Variants in MAGI2 observed in about 807,000 individuals in gnomAD.
The protein encoded by MAGI2 is membrane associated guanylate kinase, WW and PDZ domain containing 2, also known as membrane-associated guanylate kinase, WW and PDZ domain-containing protein 2.
A neutral mutation model predicts 133.3 loss-of-function variants in MAGI2; 35 were observed. The observed-to-expected ratio is 0.26, with a 90% CI of 0.20 to 0.35. MAGI2 has a LOEUF of 0.35. Among genes scored for constraint, MAGI2 ranks in the 10% least tolerant of loss-of-function variants. The pLI, the probability that MAGI2 is intolerant of heterozygous loss-of-function variation, is 1.00. For missense variants in MAGI2, 1,636 were observed against 1,863.4 expected, an observed-to-expected ratio of 0.88 and a Z score of 2.25; for synonymous variants, 729 against 710.6, an observed-to-expected ratio of 1.03 and a Z score of -0.41.
In MAGI2 at chr7:78,019,315, T is replaced by C; in HGVS notation, c.4368A>G (p.Ter1456TrpextTer33). Residue 1456 changes from the stop codon to tryptophan (W), a stop_lost, in exon 22 of 22, where the codon TGA becomes TGG. Transcript: ENST00000354212. ...GGCGGGTTGGCCGTGGCCGCGCGGC[T>C]CATCTGCTGGCGGCCGAGGCGCCGG... ...LKPGASAASR* is the reference protein window; with the variant it reads ...LKPGASAASRW The C allele has an allele frequency of 3.2e-6, 5 of 1,560,912 alleles. No individual in the cohort carries two copies. The highest frequency in any genetic ancestry group is 4.3e-6 in the Non-Finnish European group (5 of 1,163,798).
intron 15 of MAGI2, among the ~76,000 whole-genome samples, chr7:78,166,294 T>C (rs1051826233): frequency 6.6e-6 from 1 of 152,228 alleles, no homozygotes; most frequent in Non-Finnish European, 1.5e-5. Flanking sequence ...TATATTTCCT[T>C]GTAAATCAGG....
At chr7:78,718,568 G>A (rs556087771) in intron 2 of MAGI2, among the ~76,000 whole-genome samples, 1 of 151,876 alleles carries the variant, frequency 6.6e-6, no homozygotes, top group Admixed American at 6.6e-5. Flanking sequence ...CGCTCCTTAT[G>A]AGAATCTAAT....
At chr7:78,858,580 C>A (rs969686611) in intron 2 of MAGI2, among the ~76,000 whole-genome samples, 2 of 152,158 alleles carry the variant, frequency 1.3e-5, no homozygotes, top group African/African-American at 4.8e-5. Context: ...GTTTCTTAAT[C>A]CTGAGTTCTA....
At chr7:78,220,245 G>A (rs774654511) in intron 10 of MAGI2, among the ~76,000 whole-genome samples, 22 of 152,132 alleles carry the variant, frequency 1.4e-4, no homozygotes, top group Non-Finnish European at 2.9e-4. Context: ...CTGGCACGAA[G>A]TTACCTCTTT....
intron 21 of MAGI2, among the ~76,000 whole-genome samples, chr7:78,028,366 C>T (rs1322869074): frequency 6.6e-6 from 1 of 152,148 alleles, no homozygotes; most frequent in African/African-American, 2.4e-5. Flanking sequence ...ATTTTAAAAG[C>T]ATAATCAAAG....
intron 2 of MAGI2, among the ~76,000 whole-genome samples, chr7:78,909,311 C>A (rs116660221): frequency 1.3e-5 from 2 of 151,282 alleles, no homozygotes; most frequent in African/African-American, 4.9e-5. Flanking sequence ...AGTCAAGAAA[C>A]GGCTAGGCGC....
At chr7:78,110,976 A>C (rs973832769) in intron 20 of MAGI2, among the ~76,000 whole-genome samples, 3 of 152,192 alleles carry the variant, frequency 2.0e-5, no homozygotes, top group African/African-American at 7.2e-5. Flanking sequence ...ATCAAGGTGC[A>C]TTTCATATCC....
rs936781529 is a variant in MAGI2, at chr7:78,487,206, A to G, written c.1045+2555T>C. The G allele has an allele frequency of 1.0e-4, 26 of 252,552 alleles. No individual in the cohort carries two copies. In the South Asian group the frequency reaches 1.4e-3, roughly 13 times the overall value. 15.6% of individuals were successfully genotyped at this position (252,552 alleles called of 1,614,324 possible). On this transcript the variant is annotated intron_variant, in intron 6 of 21. Transcript: ENST00000354212. Reference sequence around the variant, plus strand: ...AAAAAAAAAAGCCAAAATACCAAATAGCATTGCTACGGAGTTTCTAAGGCT... The same window carrying G: ...AAAAAAAAAAGCCAAAATACCAAATGGCATTGCTACGGAGTTTCTAAGGCT...
At chr7:78,418,225 T>A (rs1292138903) in intron 6 of MAGI2, among the ~76,000 whole-genome samples, 1 of 152,174 alleles carries the variant, frequency 6.6e-6, no homozygotes, top group Non-Finnish European at 1.5e-5. Context: ...ATATTCACTA[T>A]TGGAAGAATG....
At chr7:78,870,616 C>T (rs565075181) in intron 2 of MAGI2, among the ~76,000 whole-genome samples, 23 of 152,190 alleles carry the variant, frequency 1.5e-4, no homozygotes, top group African/African-American at 5.3e-4. Flanking sequence ...TAAACTAGTA[C>T]AACCACTATG....
chr7:78,398,509 T>C (rs552412183), intron 6 of MAGI2, among the ~76,000 whole-genome samples: 1 of 152,336 alleles, frequency 6.6e-6, no homozygotes, highest in South Asian at 2.1e-4. Context: ...GGTTTCTTCC[T>C]GACTATAGAC....
chr7:78,813,861 G>T (rs905353011), intron 2 of MAGI2, among the ~76,000 whole-genome samples: 1 of 149,032 alleles, frequency 6.7e-6, no homozygotes, highest in Non-Finnish European at 1.5e-5. Flanking sequence ...GGAATAGAAA[G>T]TCACTACCTC....
At chr7:78,987,341 T>G (rs778294369) in intron 2 of MAGI2, among the ~76,000 whole-genome samples, 1 of 152,078 alleles carries the variant, frequency 6.6e-6, no homozygotes, top group Non-Finnish European at 1.5e-5. Context: ...GACTATTATG[T>G]TAATTTAACG....
At chr7:78,946,126 TTG>T (rs1801398143) in intron 2 of MAGI2, among the ~76,000 whole-genome samples, 1 of 152,160 alleles carries the variant, frequency 6.6e-6, no homozygotes, top group Non-Finnish European at 1.5e-5. Context: ...TTTTAAATTG[TTG>T]TGAGATTATT....
chr7:79,051,366 A>T (rs1812651865), intron 1 of MAGI2, among the ~76,000 whole-genome samples: 1 of 152,306 alleles, frequency 6.6e-6, no homozygotes, highest in East Asian at 1.9e-4. Flanking sequence ...TTGTTTAACT[A>T]CTGATGTGCT....
intron 21 of MAGI2, among the ~76,000 whole-genome samples, chr7:78,049,441 G>T (rs183712037): frequency 6.6e-6 from 1 of 152,314 alleles, no homozygotes; most frequent in Non-Finnish European, 1.5e-5. Flanking sequence ...CTCCTACCTT[G>T]GCTGATGTCT....
chr7:79,404,960 C>T (rs908206193), intron 1 of MAGI2, among the ~76,000 whole-genome samples: 4 of 152,088 alleles, frequency 2.6e-5, no homozygotes, highest in African/African-American at 9.7e-5. Flanking sequence ...GTCATGCAGG[C>T]TCAGGTGCCG....
At chr7:78,892,203 C>A (rs527420566) in intron 2 of MAGI2, among the ~76,000 whole-genome samples, 1 of 152,158 alleles carries the variant, frequency 6.6e-6, no homozygotes, top group Non-Finnish European at 1.5e-5. Flanking sequence ...AGGAGAACTA[C>A]AAACCACTGC....
At chr7:78,676,954 G>T (rs1815108039) in intron 2 of MAGI2, among the ~76,000 whole-genome samples, 1 of 152,052 alleles carries the variant, frequency 6.6e-6, no homozygotes, top group African/African-American at 2.4e-5. Flanking sequence ...CATGACAGGG[G>T]ATGAAAAGGC....
Sources: gnomAD v4.1 joint callset for allele counts (sites outside exome capture counted in the v4.1 genomes callset) on GRCh38, gnomAD v4.1.1 for gene constraint, MANE v1.5 for transcripts, NCBI Gene and HGNC (gene_info 2026-07-23, HGNC 2026-07-21) for gene names.